Variants in USP34 observed in about 807,000 individuals in gnomAD.
The protein encoded by USP34 is ubiquitin carboxyl-terminal hydrolase 34.
A neutral mutation model predicts 460.3 loss-of-function variants in USP34; 70 were observed. The ratio of observed to expected loss-of-function variants is 0.15; its 90% CI spans 0.13 to 0.19. The LOEUF is 0.19. Among genes scored for constraint, USP34 ranks in the 10% least tolerant of loss-of-function variants. The pLI is 1.00. For synonymous variants in USP34, 1,647 were observed against 1,405.3 expected (o/e 1.17, Z -3.85); for missense variants, 3,985 against 4,236.2 (o/e 0.94, Z 1.65).
chr2:61,339,089 T>C (rs1206503515), intron 18 of USP34, among the ~76,000 whole-genome samples: 2 of 152,160 alleles, frequency 1.3e-5, no homozygotes, highest in South Asian at 2.1e-4. Context: ...ATCAAAAAGA[T>C]AGTATTGTTA....
At chr2:61,256,735 T>G in intron 47 of USP34, 138 bp downstream of exon 47, 1 of 682,710 alleles carries the variant, frequency 1.5e-6, no homozygotes, top group Non-Finnish European at 2.3e-6. Context: ...TGTTTAACTC[T>G]TATTTGAATA....
intron 1 of USP34, among the ~76,000 whole-genome samples, chr2:61,465,013 C>T (rs1484393255): frequency 1.3e-5 from 2 of 152,074 alleles, no homozygotes; most frequent in African/African-American, 2.4e-5. Flanking sequence ...AAAATGATAA[C>T]AGCAAAATTT....
chr2:61,329,510 A>T (rs1691197655), intron 20 of USP34, among the ~76,000 whole-genome samples: 2 of 152,238 alleles, frequency 1.3e-5, no homozygotes, highest in Non-Finnish European at 2.9e-5. Flanking sequence ...TATGGAATAC[A>T]GTAAATAGAA....
chr2:61,407,100 T>C (rs1558576781), intron 2 of USP34, among the ~76,000 whole-genome samples: 1 of 152,040 alleles, frequency 6.6e-6, no homozygotes, highest in Non-Finnish European at 1.5e-5. Flanking sequence ...ATTAAAAGGA[T>C]CTCAGCCAGG....
At chr2:61,339,087 G>T (rs1439064094) in intron 18 of USP34, among the ~76,000 whole-genome samples, 1 of 152,136 alleles carries the variant, frequency 6.6e-6, no homozygotes, top group Non-Finnish European at 1.5e-5. Context: ...GAATCAAAAA[G>T]ATAGTATTGT....
chr2:61,187,894 C>CTGAT lies in USP34; in HGVS notation c.*204_*207dup, dbSNP rs1258297096. The stretch of plus-strand genomic sequence containing the variant: ...TAATTACATAAAACATATCCATTAT[C>CTGAT]TGATTGCCCTTTAGGAAGTATACTG... On this transcript the variant is annotated 3_prime_UTR_variant, in exon 80 of 80. Coordinates refer to ENST00000398571, the MANE Select transcript of USP34 (RefSeq NM_014709.4). 28 of 1,400,376 alleles carry CTGAT rather than the reference C, an allele frequency of 2.0e-5. No individual in the cohort carries two copies. The highest frequency in any genetic ancestry group is 6.6e-5 in the Admixed American group (2 of 30,162). 86.7% of individuals were successfully genotyped at this position (1,400,376 alleles called of 1,614,324 possible).
chr2:61,325,315 A>G lies in USP34; in HGVS notation c.3013+60T>C, dbSNP rs543499428. On this transcript the variant is annotated intron_variant, in intron 21 of 79. Transcript: ENST00000398571. Reference sequence around the variant, plus strand: ...AACTGCAGAAATCAGAAGCAAAAGTAAATTTAGTTCTTCCAATAGTCAAAA... The same window carrying G: ...AACTGCAGAAATCAGAAGCAAAAGTGAATTTAGTTCTTCCAATAGTCAAAA... 70 of 1,171,104 alleles carry G rather than the reference A, an allele frequency of 6.0e-5. No homozygotes were observed. In the African/African-American group the frequency reaches 1.0e-3, roughly 17 times the overall value. 72.5% of individuals were successfully genotyped at this position (1,171,104 alleles called of 1,614,324 possible). A position where few individuals can be genotyped will look rare whatever the true frequency, so the allele number is the denominator to read the frequency against.
intron 76 of USP34, among the ~76,000 whole-genome samples, chr2:61,192,560 G>A (rs1239962149): frequency 6.6e-6 from 1 of 152,248 alleles, no homozygotes; most frequent in Non-Finnish European, 1.5e-5. Flanking sequence ...AGACAGGGAG[G>A]TGAAGGAGAG....
chr2:61,413,954 A>G (rs1303597302), intron 2 of USP34, among the ~76,000 whole-genome samples: 1 of 148,848 alleles, frequency 6.7e-6, no homozygotes, highest in Non-Finnish European at 1.5e-5. Flanking sequence ...AATTAAAAAA[A>G]TTAAAAATAA....
intron 62 of USP34, among the ~76,000 whole-genome samples, chr2:61,225,849 CAT>C (rs1381838114): frequency 4.6e-5 from 7 of 152,294 alleles, no homozygotes; most frequent in Non-Finnish European, 4.4e-5. Flanking sequence ...TATTAAAACT[CAT>C]ATGAATGAAA....
At position 61,190,431 on chromosome 2, in the gene USP34, A is replaced by T. The variant is rs768414436; in HGVS notation, c.9730-17T>A. 9 of 1,597,792 alleles carry T rather than the reference A, an allele frequency of 5.6e-6. No homozygotes were observed. The Admixed American group carries it at 9.0e-5, about 16-fold the overall frequency. On this transcript the variant is annotated splice_polypyrimidine_tract_variant and intron_variant, in intron 77 of 79. Coordinates refer to ENST00000398571, the MANE Select transcript of USP34 (RefSeq NM_014709.4). ...ACTTTGAACCTGAAAAAGAAGATTT[A>T]AAAAAATCTCCAAAAGACCAGCATA...
chr2:61,465,476 T>C (rs1216614484), intron 1 of USP34, among the ~76,000 whole-genome samples: 1 of 152,228 alleles, frequency 6.6e-6, no homozygotes, highest in Non-Finnish European at 1.5e-5. Flanking sequence ...AAGTCCTTAC[T>C]CTTATCAAAA....
At chr2:61,256,571 A>C (rs1158318740) in intron 47 of USP34, 93 bp from the exon 48 acceptor site, 1 of 1,028,922 alleles carries the variant, frequency 9.7e-7, no homozygotes, top group East Asian at 3.0e-5. Flanking sequence ...CAGAATGCTC[A>C]GCAAAAAAAT....
Position 61,301,460 on chromosome 2 carries a change from A to T in USP34, c.3818-6T>A. On this transcript the variant is annotated splice_polypyrimidine_tract_variant and splice_region_variant and intron_variant, in intron 27 of 79. Coordinates refer to ENST00000398571, the MANE Select transcript of USP34 (RefSeq NM_014709.4). ...GACAGGTCCCATGAGGCCTCCTTAAAAACAGCAAAACATGGAAATGAATTT... is the reference window on the plus strand; with the variant it reads ...GACAGGTCCCATGAGGCCTCCTTAATAACAGCAAAACATGGAAATGAATTT... 1 of 1,605,466 alleles carries T rather than the reference A, an allele frequency of 6.2e-7. No homozygotes were observed. The highest frequency in any genetic ancestry group is 8.5e-7 in the Non-Finnish European group (1 of 1,176,444).
chr2:61,366,791 T>C (rs1692454709), intron 10 of USP34, among the ~76,000 whole-genome samples: 1 of 152,152 alleles, frequency 6.6e-6, no homozygotes, highest in Non-Finnish European at 1.5e-5. Context: ...CTCACAGCTA[T>C]AACCCCTGCA....
Position 61,365,256 on chromosome 2 carries a change from T to TACACACACACACACAC in USP34, c.1251+5049_1251+5064dup, listed in dbSNP as rs34689463. 2.9e-3 allele frequency among the ~76,000 whole-genome samples: 414 copies of TACACACACACACACAC among 142,432 alleles called. 5 individuals carry two copies. The highest frequency in any genetic ancestry group is 8.7e-3 in the African/African-American group (330 of 37,912). 93.4% of individuals were successfully genotyped at this position (142,432 alleles called of 152,430 possible). ...AACAGAGCAAGACTCCATTTCAAAATACACACACACACACACACACACACA... is the reference window on the plus strand; with the variant it reads ...AACAGAGCAAGACTCCATTTCAAAATACACACACACACACACACACACACACACACACACACACACA... On this transcript the variant is annotated intron_variant, in intron 10 of 79. Transcript: ENST00000398571.
At position 61,188,322 on chromosome 2, in the gene USP34, G is replaced by GAGAT. The variant is rs1686507103; in HGVS notation, c.10417_10420dup (p.Ser3474TyrfsTer7). 1 of 1,613,546 alleles carries GAGAT rather than the reference G, an allele frequency of 6.2e-7. No homozygotes were observed. ...GTCAGCTAAGTCAGACAGAACTGCA[G>GAGAT]AGATAGAAGTAGAAGGGAACTCAGA... On this transcript the variant is annotated frameshift_variant, in exon 80 of 80. Coordinates refer to ENST00000398571, the MANE Select transcript of USP34 (RefSeq NM_014709.4). LOFTEE classifies it high-confidence loss of function.
chr2:61,470,440 G>A (rs1329006127), intron 1 of USP34, among the ~76,000 whole-genome samples: 1 of 150,234 alleles, frequency 6.7e-6, no homozygotes, highest in Non-Finnish European at 1.5e-5. Context: ...CTCCGCGGCG[G>A]CCGCCTCTCG....
At chr2:61,457,914 C>G (rs1002810516) in intron 1 of USP34, among the ~76,000 whole-genome samples, 3 of 152,116 alleles carry the variant, frequency 2.0e-5, no homozygotes, top group Non-Finnish European at 4.4e-5. Flanking sequence ...AGCAAGACAT[C>G]ACAAAAGCAA....
Sources: gnomAD v4.1 joint callset for allele counts (sites outside exome capture counted in the v4.1 genomes callset) on GRCh38, gnomAD v4.1.1 for gene constraint, MANE v1.5 for transcripts, NCBI Gene and HGNC (gene_info 2026-07-23, HGNC 2026-07-21) for gene names.